IQGAP1: variants seen among roughly 807,000 people sequenced by gnomAD.
IQGAP1 encodes the protein ras GTPase-activating-like protein IQGAP1.
Under a neutral mutation model 215.6 loss-of-function variants are expected in IQGAP1, and 66 were observed. The ratio of observed to expected loss-of-function variants is 0.31; its 90% CI spans 0.25 to 0.38. IQGAP1 has a LOEUF of 0.38. Among genes scored for constraint, IQGAP1 ranks in the 10% least tolerant of loss-of-function variants. IQGAP1 has a pLI of 1.00. For missense variants in IQGAP1, 1,712 were observed against 1,997.1 expected (o/e 0.86, Z 2.72); for synonymous variants, 772 against 728.7 (o/e 1.06, Z -0.96).
Position 90,473,115 on chromosome 15 carries a change from G to T in IQGAP1, c.2349+105G>T. On this transcript the variant is annotated intron_variant, in intron 19 of 37. Transcript: ENST00000268182. Reference sequence around the variant, plus strand: ...GTCTGAGTGTGTTTTTTGAGTGCTGGACTCTTAGTCTTCTCTTTCCTTTGA... The same window carrying T: ...GTCTGAGTGTGTTTTTTGAGTGCTGTACTCTTAGTCTTCTCTTTCCTTTGA... The T allele has an allele frequency of 3.9e-6, 4 of 1,024,554 alleles. No individual in the cohort carries two copies. The South Asian group carries it at 4.5e-5, about 11-fold the overall frequency. 63.5% of individuals were successfully genotyped at this position (1,024,554 alleles called of 1,614,324 possible). A position where few individuals can be genotyped will look rare whatever the true frequency, so the allele number is the denominator to read the frequency against.
Position 90,395,294 on chromosome 15 carries a change from T to C in IQGAP1, c.155+4421T>C, listed in dbSNP as rs192180461. Among the ~76,000 whole-genome samples, 755 of 150,636 alleles carry C rather than the reference T, an allele frequency of 5.0e-3. 3 individuals carry two copies. The highest frequency in any genetic ancestry group is 0.018 in the African/African-American group (719 of 40,522). ...CTGTTCTTATTGAGTTTTACATTTGTTTAGGCTAAGGAGCGGGGTTTTTTT... is the reference window on the plus strand; with the variant it reads ...CTGTTCTTATTGAGTTTTACATTTGCTTAGGCTAAGGAGCGGGGTTTTTTT... On this transcript the variant is annotated intron_variant, in intron 2 of 37. Transcript: ENST00000268182.
At chr15:90,455,655 C>T (rs939433310) in intron 14 of IQGAP1, among the ~76,000 whole-genome samples, 1 of 152,214 alleles carries the variant, frequency 6.6e-6, no homozygotes, top group African/African-American at 2.4e-5. Flanking sequence ...AGCCTTGCTT[C>T]GCATTAGGGA....
Position 90,466,482 on chromosome 15 carries a change from GTA to G in IQGAP1, c.2035+50_2035+51del. 4 of 1,575,380 alleles carry G rather than the reference GTA, an allele frequency of 2.5e-6. No homozygotes were observed. In the East Asian group the frequency reaches 6.7e-5, roughly 26 times the overall value. On this transcript the variant is annotated intron_variant, in intron 17 of 37. Coordinates refer to ENST00000268182, the MANE Select transcript of IQGAP1 (RefSeq NM_003870.4). ...TATGTGCCCTGAAGCTAACCCTTGA[GTA>G]TATGAGGGGACAGATGTAGAGGAAA...
chr15:90,401,422 AAAGG>A (rs1324434055), intron 2 of IQGAP1, among the ~76,000 whole-genome samples: 5 of 152,232 alleles, frequency 3.3e-5, no homozygotes, highest in African/African-American at 1.2e-4. Context: ...TAAGGCAGCT[AAAGG>A]AAAGCCAAAA....
At chr15:90,397,281 G>C (rs970834260) in intron 2 of IQGAP1, among the ~76,000 whole-genome samples, 3 of 152,118 alleles carry the variant, frequency 2.0e-5, no homozygotes, top group African/African-American at 7.2e-5. Context: ...TCAAAAGTAT[G>C]AATAAAATTT....
rs1036019335 is a variant in IQGAP1, at chr15:90,416,779, G to T, written c.156-9331G>T. On this transcript the variant is annotated intron_variant, in intron 2 of 37. Transcript: ENST00000268182. The stretch of plus-strand genomic sequence containing the variant: ...TTTTTAGTAGAGATGGGAGTTCTCC[G>T]TGTTAGCCAGGATGGTCTCGATCTC... 2.0e-5 allele frequency among the ~76,000 whole-genome samples: 3 copies of T among 152,070 alleles called. No individual in the cohort carries two copies. In the South Asian group the frequency reaches 6.2e-4, roughly 31 times the overall value.
intron 10 of IQGAP1, among the ~76,000 whole-genome samples, chr15:90,449,165 G>A (rs369308191): frequency 1.3e-5 from 2 of 151,018 alleles, no homozygotes; most frequent in South Asian, 4.2e-4. Context: ...ATTGTATTTC[G>A]TGGGTTTTTT....
chr15:90,410,815 C>T (rs1294414811), intron 2 of IQGAP1, among the ~76,000 whole-genome samples: 1 of 147,038 alleles, frequency 6.8e-6, no homozygotes, highest in African/African-American at 2.5e-5. Flanking sequence ...GCATGTTGTG[C>T]ACATGTACCC....
At chr15:90,445,579 C>A (rs1334888329) in intron 9 of IQGAP1, among the ~76,000 whole-genome samples, 1 of 152,118 alleles carries the variant, frequency 6.6e-6, no homozygotes, top group Non-Finnish European at 1.5e-5. Flanking sequence ...ATTACGTATT[C>A]TGCTTCTTTT....
intron 4 of IQGAP1, among the ~76,000 whole-genome samples, chr15:90,430,760 A>G (rs1053151372): frequency 6.6e-6 from 1 of 151,956 alleles, no homozygotes; most frequent in Admixed American, 6.6e-5. Flanking sequence ...AATTTTTGTA[A>G]CCAAAGGAAA....
At chr15:90,485,260 C>T (rs796430803) in intron 30 of IQGAP1, among the ~76,000 whole-genome samples, 6 of 152,184 alleles carry the variant, frequency 3.9e-5, no homozygotes, top group African/African-American at 1.4e-4. Context: ...TTGTTGAGTG[C>T]CCCTACAATA....
chr15:90,459,550 T>C (rs1432336322), intron 15 of IQGAP1, among the ~76,000 whole-genome samples: 1 of 152,212 alleles, frequency 6.6e-6, no homozygotes, highest in Non-Finnish European at 1.5e-5. Flanking sequence ...TTTGAAGCAT[T>C]TCCTTTGCTG....
chr15:90,473,087 ACTGT>A (rs1244969589), intron 19 of IQGAP1, 77 bp downstream of exon 19: 27 of 1,379,250 alleles, frequency 2.0e-5, no homozygotes, highest in African/African-American at 1.0e-4. Context: ...GTCACCATTG[ACTGT>A]CTGAGTGTGT....
chr15:90,435,747 A>C (rs571263167), intron 5 of IQGAP1, among the ~76,000 whole-genome samples: 1 of 152,230 alleles, frequency 6.6e-6, no homozygotes, highest in Non-Finnish European at 1.5e-5. Context: ...TGGTAGAGTC[A>C]GAATGAGAAA....
At position 90,469,220 on chromosome 15, in the gene IQGAP1, G is replaced by A. The variant is rs561334311; in HGVS notation, c.2178+1628G>A. Among the ~76,000 whole-genome samples, 21 of 152,238 alleles carry A rather than the reference G, an allele frequency of 1.4e-4. No homozygotes were observed. The East Asian group carries it at 4.1e-3, about 29-fold the overall frequency. ...GGGGGAAGATGCTCAGTAAGCTCCT[G>A]TAGGTCGTTAGACATATTACTAACA... On this transcript the variant is annotated intron_variant, in intron 18 of 37. Coordinates refer to ENST00000268182, the MANE Select transcript of IQGAP1 (RefSeq NM_003870.4).
chr15:90,460,735 A>G (rs1441490115), intron 15 of IQGAP1, among the ~76,000 whole-genome samples: 1 of 152,194 alleles, frequency 6.6e-6, no homozygotes, highest in Non-Finnish European at 1.5e-5. Context: ...GCAGTGGCTC[A>G]TGCTTGTAAT....
At chr15:90,454,573 C>T (rs1471103191) in intron 14 of IQGAP1, 21 bp downstream of exon 14, 1 of 1,517,694 alleles carries the variant, frequency 6.6e-7, no homozygotes, top group South Asian at 1.3e-5. Flanking sequence ...TTCCTGTCCT[C>T]CCCAAATAAT....
chr15:90,470,160 A>G (rs2151030665), intron 18 of IQGAP1, among the ~76,000 whole-genome samples: 1 of 152,316 alleles, frequency 6.6e-6, no homozygotes, highest in East Asian at 1.9e-4. Context: ...CTCTCCTGCC[A>G]ACAATAGTGG....
intron 8 of IQGAP1, among the ~76,000 whole-genome samples, chr15:90,443,050 T>C (rs1965474462): frequency 6.6e-6 from 1 of 151,972 alleles, no homozygotes; most frequent in Admixed American, 6.5e-5. Flanking sequence ...GCCTTGAACT[T>C]CTGGGGAAAG....
Sources: allele counts gnomAD v4.1 joint callset (sites outside exome capture counted in the v4.1 genomes callset), GRCh38; gene constraint gnomAD v4.1.1; transcripts MANE v1.5; gene names NCBI Gene and HGNC (gene_info 2026-07-23, HGNC 2026-07-21).